Variants in PRICKLE1 observed in about 807,000 individuals in gnomAD.
The protein encoded by PRICKLE1 is prickle planar cell polarity protein 1, also known as prickle-like protein 1.
PRICKLE1 carries 14 observed loss-of-function variants against 70.2 expected under a neutral mutation model. The observed-to-expected ratio is 0.20, with a 90% CI of 0.13 to 0.31. The LOEUF is 0.31. Ranked by LOEUF, PRICKLE1 falls within the 10% of genes least tolerant of loss-of-function variation. The probability of loss-of-function intolerance (pLI) is 1.00; values close to 1 mark genes in which losing one functional copy is unlikely to be tolerated. For synonymous variants in PRICKLE1, 357 were observed against 379.9 expected (o/e 0.94, Z 0.70); for missense variants, 821 against 1,026.2 (o/e 0.80, Z 2.73).
intron 1 of PRICKLE1, among the ~76,000 whole-genome samples, chr12:42,533,244 T>C (rs1240707598): frequency 2.0e-5 from 3 of 151,908 alleles, no homozygotes; most frequent in East Asian, 3.9e-4. Flanking sequence ...TTTACCCGTT[T>C]GACAATAAAT....
intron 1 of PRICKLE1, among the ~76,000 whole-genome samples, chr12:42,572,932 TA>T (rs1489694961): frequency 6.6e-6 from 1 of 152,194 alleles, no homozygotes; most frequent in Non-Finnish European, 1.5e-5. Context: ...ATAGAGTTAG[TA>T]GGTCACCCAT....
intron 7 of PRICKLE1, among the ~76,000 whole-genome samples, chr12:42,462,285 C>T (rs1018802953): frequency 4.0e-5 from 6 of 151,774 alleles, no homozygotes; most frequent in Non-Finnish European, 8.8e-5. Flanking sequence ...ACTGCAACCT[C>T]CGCCTCCCAG....
intron 1 of PRICKLE1, among the ~76,000 whole-genome samples, chr12:42,541,279 C>T (rs1407059012): frequency 6.6e-6 from 1 of 151,924 alleles, no homozygotes; most frequent in Non-Finnish European, 1.5e-5. Flanking sequence ...TGTTTTTGTC[C>T]TCAATTATCT....
At chr12:42,465,430 A>G in intron 6 of PRICKLE1, 172 bp from the exon 7 acceptor site, 1 of 641,924 alleles carries the variant, frequency 1.6e-6, no homozygotes, top group Non-Finnish European at 2.6e-6. Context: ...GAGTGTGCCT[A>G]CTCATAAAAA....
At chr12:42,508,809 A>G (rs1414129885) in intron 1 of PRICKLE1, among the ~76,000 whole-genome samples, 3 of 152,278 alleles carry the variant, frequency 2.0e-5, no homozygotes, top group South Asian at 2.1e-4. Flanking sequence ...AGGGCTTGTC[A>G]CTGTAGTTCT....
chr12:42,488,085 A>G (rs1321770744), intron 1 of PRICKLE1, among the ~76,000 whole-genome samples: 1 of 152,090 alleles, frequency 6.6e-6, no homozygotes, highest in Non-Finnish European at 1.5e-5. Flanking sequence ...CGATATAGAA[A>G]CAGAAGTGTC....
chr12:42,507,116 T>C (rs555542696), intron 1 of PRICKLE1, among the ~76,000 whole-genome samples: 1 of 152,300 alleles, frequency 6.6e-6, no homozygotes, highest in South Asian at 2.1e-4. Flanking sequence ...CATGAAGCTT[T>C]TGAGGTGAGT....
At chr12:42,566,519 G>A (rs1940623585) in intron 1 of PRICKLE1, among the ~76,000 whole-genome samples, 1 of 152,204 alleles carries the variant, frequency 6.6e-6, no homozygotes, top group Non-Finnish European at 1.5e-5. Context: ...TGCATTCTCT[G>A]CTGGCTGCTA....
chr12:42,466,517 A>T (rs975319270), intron 5 of PRICKLE1, 137 bp from the exon 6 acceptor site: 2 of 735,594 alleles, frequency 2.7e-6, no homozygotes, highest in African/African-American at 3.5e-5. Context: ...CTTGTTTCTT[A>T]GAGTCACAAG....
At chr12:42,569,491 G>C (rs1024766365) in intron 1 of PRICKLE1, among the ~76,000 whole-genome samples, 1 of 152,138 alleles carries the variant, frequency 6.6e-6, no homozygotes, top group Non-Finnish European at 1.5e-5. Context: ...AGATTTCTGT[G>C]AGCAAGTCGG....
chr12:42,480,421 A>C (rs1669920), intron 1 of PRICKLE1, among the ~76,000 whole-genome samples: 29,999 of 151,748 alleles, frequency 0.2, 3,546 homozygotes, highest in African/African-American at 0.32. Flanking sequence ...ACCCTGTCCC[A>C]AAAAAAAATC....
chr12:42,571,552 C>T (rs1341741153), intron 1 of PRICKLE1, among the ~76,000 whole-genome samples: 1 of 152,164 alleles, frequency 6.6e-6, no homozygotes, highest in Non-Finnish European at 1.5e-5. Flanking sequence ...CTCCCTGGTC[C>T]CAGGCCTTGG....
intron 1 of PRICKLE1, among the ~76,000 whole-genome samples, chr12:42,475,875 A>C (rs1938504408): frequency 6.6e-6 from 1 of 151,634 alleles, no homozygotes; most frequent in Non-Finnish European, 1.5e-5. Context: ...GGGCGGGGGC[A>C]GACCACCTGA....
intron 1 of PRICKLE1, among the ~76,000 whole-genome samples, chr12:42,562,698 T>C (rs1020909312): frequency 6.6e-6 from 1 of 152,078 alleles, no homozygotes; most frequent in African/African-American, 2.4e-5. Flanking sequence ...ACATCAACTA[T>C]GTATTGTGAG....
chr12:42,553,903 G>C (rs1940368866), intron 1 of PRICKLE1, among the ~76,000 whole-genome samples: 1 of 152,124 alleles, frequency 6.6e-6, no homozygotes, highest in Admixed American at 6.5e-5. Flanking sequence ...AGAAGTTAGA[G>C]ACCAGCCTGG....
intron 1 of PRICKLE1, among the ~76,000 whole-genome samples, chr12:42,545,589 C>T (rs1462954315): frequency 6.6e-6 from 1 of 152,176 alleles, no homozygotes; most frequent in Non-Finnish European, 1.5e-5. Context: ...TGGCTCACGC[C>T]TGTAATCCCA....
In PRICKLE1 at chr12:42,468,639, G is replaced by A; in HGVS notation, c.575C>T (p.Ser192Leu). The A allele has an allele frequency of 1.2e-6, 2 of 1,613,922 alleles. No individual in the cohort carries two copies. Among genetic ancestry groups the A allele is most frequent in the African/African-American group, 1.3e-5 (1 of 75,012 alleles). ...HHAELLKPRC[S>L]ACDEIIFADE... Reference sequence around the variant, plus strand: ...ACTTTTTTTTACCTCGTCACATGCTGAGCACCGTGGTTTGAGCAGTTCTGC... The same window carrying A: ...ACTTTTTTTTACCTCGTCACATGCTAAGCACCGTGGTTTGAGCAGTTCTGC... The change falls in exon 5 of 8, where the codon TCA becomes TTA. Residue 192 changes from serine (S) to leucine (L), a missense_variant. Transcript: ENST00000345127.
At chr12:42,518,586 A>G (rs1292056175) in intron 1 of PRICKLE1, among the ~76,000 whole-genome samples, 1 of 152,228 alleles carries the variant, frequency 6.6e-6, no homozygotes, top group Non-Finnish European at 1.5e-5. Context: ...AAATAGCTCA[A>G]TGATCCTTAA....
chr12:42,563,902 A>C (rs1169777341), intron 1 of PRICKLE1, among the ~76,000 whole-genome samples: 1 of 151,984 alleles, frequency 6.6e-6, no homozygotes, highest in Non-Finnish European at 1.5e-5. Context: ...ACAAACCAGA[A>C]TGTAATTTCT....
Sources: gnomAD v4.1 joint callset for allele counts (sites outside exome capture counted in the v4.1 genomes callset) on GRCh38, gnomAD v4.1.1 for gene constraint, MANE v1.5 for transcripts, NCBI Gene and HGNC (gene_info 2026-07-23, HGNC 2026-07-21) for gene names.